The following PRLR variants were observed in gnomAD, a reference collection of about 807,000 sequenced individuals.
PRLR encodes the protein prolactin receptor, also known as hPRL receptor.
A neutral mutation model predicts 40.2 loss-of-function variants in PRLR; 13 were observed. The ratio of observed to expected loss-of-function variants is 0.32; its 90% CI spans 0.21 to 0.51. The LOEUF (loss-of-function observed/expected upper bound fraction) is 0.51. PRLR is among the 20% of genes least tolerant of loss of function. The pLI is 0.97. For missense variants in PRLR, 656 were observed against 747.3 expected, an observed-to-expected ratio of 0.88 and a Z score of 1.42; for synonymous variants, 269 against 278.7, an observed-to-expected ratio of 0.97 and a Z score of 0.35.
At chr5:35,218,330 A>G (rs1776335213) in intron 1 of PRLR, among the ~76,000 whole-genome samples, 1 of 152,194 alleles carries the variant, frequency 6.6e-6, no homozygotes, top group Admixed American at 6.5e-5. Flanking sequence ...CTTCCAATGA[A>G]CGCATGTTAA....
chr5:35,091,789 G>A (rs1421982823), intron 2 of PRLR, among the ~76,000 whole-genome samples: 2 of 152,226 alleles, frequency 1.3e-5, no homozygotes, highest in Admixed American at 6.5e-5. Context: ...GCCTCATTAG[G>A]TACATATAGC....
rs373041476 is a variant in PRLR at position 35,135,805 on chromosome 5, G to A, written c.-105-17683C>T. Among the ~76,000 whole-genome samples the A allele has an allele frequency of 8.5e-5, 13 of 152,264 alleles. No homozygotes were observed. The East Asian group carries it at 1.7e-3, about 20-fold the overall frequency. ...CCTTGGGCAGCCATGTTTTGTTCTG[G>A]GTGACATTGACTCCCTACTGGCCTT... is the stretch of plus-strand genomic sequence containing the variant. On this transcript the variant is annotated intron_variant, in intron 1 of 9. Coordinates refer to ENST00000618457, the MANE Select transcript of PRLR (RefSeq NM_000949.7).
At chr5:35,224,576 C>T (rs1579820364) in intron 1 of PRLR, among the ~76,000 whole-genome samples, 1 of 152,214 alleles carries the variant, frequency 6.6e-6, no homozygotes, top group Non-Finnish European at 1.5e-5. Context: ...CAACTCCTCC[C>T]TGCAGGCACA....
chr5:35,054,917 A>G (rs1768642227), downstream of PRLR, among the ~76,000 whole-genome samples: 1 of 152,170 alleles, frequency 6.6e-6, no homozygotes, highest in Non-Finnish European at 1.5e-5. Flanking sequence ...TGCTGAAGAG[A>G]GAGGTAGAGA....
intron 1 of PRLR, among the ~76,000 whole-genome samples, chr5:35,187,100 C>T (rs533867129): frequency 1.3e-5 from 2 of 152,160 alleles, no homozygotes; most frequent in South Asian, 2.1e-4. Flanking sequence ...TATAAGAGTG[C>T]CTACTTCAGA....
At chr5:35,172,752 C>T (rs1229842377) in intron 1 of PRLR, among the ~76,000 whole-genome samples, 1 of 152,190 alleles carries the variant, frequency 6.6e-6, no homozygotes, top group Non-Finnish European at 1.5e-5. Context: ...GGCCATGCTA[C>T]CTCTGACAAC....
intron 1 of PRLR, among the ~76,000 whole-genome samples, chr5:35,143,774 C>T (rs1774091391): frequency 6.6e-6 from 1 of 152,152 alleles, no homozygotes; most frequent in African/African-American, 2.4e-5. Flanking sequence ...CTCAGTAAAA[C>T]ATGTTTATGT....
intron 2 of PRLR, among the ~76,000 whole-genome samples, chr5:35,114,088 G>A (rs900842791): frequency 5.3e-5 from 8 of 152,140 alleles, no homozygotes; most frequent in Non-Finnish European, 8.8e-5. Flanking sequence ...TCAAGGGCTC[G>A]GTTGTCAGCT....
intron 1 of PRLR, among the ~76,000 whole-genome samples, chr5:35,151,990 G>A (rs750185687): frequency 1.3e-5 from 2 of 152,156 alleles, no homozygotes; most frequent in African/African-American, 2.4e-5. Context: ...TTACCACACC[G>A]TAATTTATCC....
At chr5:35,183,235 G>T (rs1775339116) in intron 1 of PRLR, among the ~76,000 whole-genome samples, 1 of 152,208 alleles carries the variant, frequency 6.6e-6, no homozygotes, top group African/African-American at 2.4e-5. Context: ...GTCATTTGGA[G>T]TAAGGAAGAA....
At chr5:35,150,562 T>C (rs548254348) in intron 1 of PRLR, among the ~76,000 whole-genome samples, 3 of 152,346 alleles carry the variant, frequency 2.0e-5, no homozygotes, top group South Asian at 4.1e-4. Context: ...TTAATTGCCA[T>C]GCAGTATTGA....
intron 1 of PRLR, among the ~76,000 whole-genome samples, chr5:35,212,868 T>C (rs1390962149): frequency 6.6e-6 from 1 of 152,188 alleles, no homozygotes; most frequent in Non-Finnish European, 1.5e-5. Context: ...AGCAGCCAAG[T>C]CCAAGTATGA....
At chr5:35,076,033 C>A (rs1390072824) in intron 5 of PRLR, among the ~76,000 whole-genome samples, 1 of 152,204 alleles carries the variant, frequency 6.6e-6, no homozygotes. Flanking sequence ...AAAACCCCAT[C>A]TGTACGTCAC....
At chr5:35,164,275 GCAAGAAA>G (rs1485412893) in intron 1 of PRLR, among the ~76,000 whole-genome samples, 2 of 152,128 alleles carry the variant, frequency 1.3e-5, no homozygotes, top group African/African-American at 2.4e-5. Flanking sequence ...GAGGACACAG[GCAAGAAA>G]CAAGTAAACC....
At chr5:35,114,980 A>G (rs1394514358) in intron 2 of PRLR, among the ~76,000 whole-genome samples, 1 of 151,938 alleles carries the variant, frequency 6.6e-6, no homozygotes, top group East Asian at 1.9e-4. Context: ...CTTTTCCAGA[A>G]CTCTCTGCTG....
At chr5:35,218,127 C>T (rs1307683320) in intron 1 of PRLR, among the ~76,000 whole-genome samples, 1 of 152,074 alleles carries the variant, frequency 6.6e-6, no homozygotes, top group Non-Finnish European at 1.5e-5. Context: ...CTGATGTTGC[C>T]ACTGCAATCT....
intron 1 of PRLR, among the ~76,000 whole-genome samples, chr5:35,178,952 C>T (rs546407667): frequency 6.6e-6 from 1 of 152,278 alleles, no homozygotes; most frequent in South Asian, 2.1e-4. Context: ...TGGACATCTC[C>T]TCATGATGTC....
At chr5:35,161,432 T>G (rs933237242) in intron 1 of PRLR, among the ~76,000 whole-genome samples, 4 of 152,218 alleles carry the variant, frequency 2.6e-5, no homozygotes, top group Non-Finnish European at 5.9e-5. Context: ...GAAAGAGGCC[T>G]AGGCAGGATC....
chr5:35,087,017 G>T (rs570966549), intron 3 of PRLR, among the ~76,000 whole-genome samples: 34 of 151,810 alleles, frequency 2.2e-4, no homozygotes, highest in Non-Finnish European at 4.3e-4. Context: ...TTTTTGGGAT[G>T]GAGTCTCACT....
Sources: allele counts gnomAD v4.1 joint callset (sites outside exome capture counted in the v4.1 genomes callset), GRCh38; gene constraint gnomAD v4.1.1; transcripts MANE v1.5; gene names NCBI Gene and HGNC (gene_info 2026-07-23, HGNC 2026-07-21).